C1orf167: variants seen among roughly 807,000 people sequenced by gnomAD.
C1orf167 encodes the protein chromosome 1 open reading frame 167.
In C1orf167, 153 loss-of-function variants were observed where a neutral mutation model predicts 176.5. That is an observed-to-expected ratio of 0.87 (90% CI 0.76 to 0.99). C1orf167 has a LOEUF of 0.99. C1orf167 is among the 50% of genes least tolerant of loss of function. The pLI is 0.00. For missense variants in C1orf167, 1,490 were observed against 1,817.7 expected, an observed-to-expected ratio of 0.82 and a Z score of 3.28; for synonymous variants, 594 against 752.7, an observed-to-expected ratio of 0.79 and a Z score of 3.45.
chr1:11,773,111 G>A (rs1201670292), intron 8 of C1orf167, among the ~76,000 whole-genome samples: 2 of 151,338 alleles, frequency 1.3e-5, no homozygotes, highest in Non-Finnish European at 2.9e-5. Flanking sequence ...ATATTGGTCA[G>A]GCTGGTCCTG....
intron 1 of C1orf167, among the ~76,000 whole-genome samples, chr1:11,764,111 G>T (rs1179290714): frequency 6.6e-6 from 1 of 152,168 alleles, no homozygotes; most frequent in African/African-American, 2.4e-5. Context: ...GGTCTGGGGG[G>T]CAGGATGGGG....
In C1orf167 at chr1:11,784,303, A is replaced by T; in HGVS notation, c.3135A>T (p.Glu1045Asp). The stretch of plus-strand genomic sequence containing the variant: ...TTGCCACATGGCGGGAAGCCCAGGA[A>T]GTGGCAGCCGGGGCACAGGAGCAGC... The part of the protein sequence containing the change: ...AVFATWREAQ[E>D]VAAGAQEQRV... The change falls in exon 15 of 21, where the codon GAA becomes GAT. Residue 1045 changes from glutamate (E) to aspartate (D), a missense_variant. Transcript: ENST00000688073. The T allele has an allele frequency of 1.5e-6, 2 of 1,303,738 alleles. No homozygotes were observed. Among genetic ancestry groups the T allele is most frequent in the Non-Finnish European group, 2.0e-6 (2 of 988,680 alleles). The allele number at this position is 1,303,738 out of a possible 1,614,324, so 80.8% of individuals were successfully genotyped here.
At chr1:11,781,786 T>A (rs1419867373) in intron 13 of C1orf167, among the ~76,000 whole-genome samples, 2 of 151,812 alleles carry the variant, frequency 1.3e-5, no homozygotes, top group Admixed American at 1.3e-4. Context: ...AGTGTGCGCC[T>A]GTAGTCCCAG....
intron 17 of C1orf167, 169 bp from the exon 18 acceptor site, chr1:11,787,704 G>T: frequency 9.6e-7 from 1 of 1,042,840 alleles, no homozygotes; most frequent in Non-Finnish European, 1.2e-6. Context: ...TCTTTGGGCG[G>T]CAGGCAGCCG....
chr1:11,788,494 A>G lies in C1orf167; in HGVS notation c.4078+116A>G, dbSNP rs2100467705. 16 of 1,133,656 alleles carry G rather than the reference A, an allele frequency of 1.4e-5. No individual in the cohort carries two copies. The South Asian group carries it at 2.1e-4, about 15-fold the overall frequency. The allele number at this position is 1,133,656 out of a possible 1,614,324, so 70.2% of individuals were successfully genotyped here. On this transcript the variant is annotated intron_variant, in intron 19 of 20. Transcript: ENST00000688073. ...TACTGACTCCAAAACCTTGGGGGAC[A>G]GGCCCAGGAATCTGCATTCTTAATA...
At chr1:11,787,719 A>C in intron 17 of C1orf167, 154 bp from the exon 18 acceptor site, 1 of 1,092,360 alleles carries the variant, frequency 9.2e-7, no homozygotes. Context: ...CAGCCGGGAG[A>C]GGCTGGAGGC....
intron 16 of C1orf167, chr1:11,785,770 A>G (rs542140204): frequency 6.5e-6 from 1 of 153,100 alleles, no homozygotes; most frequent in South Asian, 2.0e-4. Context: ...AGTCTGGCTC[A>G]ATTGCCCAGG....
At chr1:11,783,167 C>T (rs116276371) in intron 14 of C1orf167, among the ~76,000 whole-genome samples, 2,892 of 152,262 alleles carry the variant, frequency 0.019, 50 homozygotes, top group Middle Eastern at 0.031. Flanking sequence ...TGTTCAGTGT[C>T]CCCGTGGGGC....
At chr1:11,787,702 C>T (rs3737966) in intron 17 of C1orf167, 171 bp from the exon 18 acceptor site, 599,823 of 1,026,500 alleles carry the variant, frequency 0.58, 178,562 homozygotes, top group East Asian at 0.77. Context: ...TCTCTTTGGG[C>T]GGCAGGCAGC....
chr1:11,783,132 C>CCA (rs1643671744), intron 14 of C1orf167, among the ~76,000 whole-genome samples: 1 of 152,108 alleles, frequency 6.6e-6, no homozygotes, highest in East Asian at 1.9e-4. Context: ...ATGGCTCCTC[C>CCA]CACAGTTCAG....
At chr1:11,775,047 G>A (rs2100321589) in intron 8 of C1orf167, among the ~76,000 whole-genome samples, 1 of 152,290 alleles carries the variant, frequency 6.6e-6, no homozygotes, top group East Asian at 1.9e-4. Flanking sequence ...CACTTTGGGA[G>A]GCCAAGACGG....
chr1:11,772,081 G>A lies in C1orf167; in HGVS notation c.1811-1G>A. The A allele has an allele frequency of 1.5e-6, 2 of 1,302,976 alleles. No individual in the cohort carries two copies. The highest frequency in any genetic ancestry group is 2.0e-6 in the Non-Finnish European group (2 of 988,346). 80.7% of individuals were successfully genotyped at this position (1,302,976 alleles called of 1,614,324 possible). ...TCTCTCCCTCCTCCCTCTCTCCTTAGTGTTCTTCCTGTGGTGCCAACAGAA... is the reference window on the plus strand; with the variant it reads ...TCTCTCCCTCCTCCCTCTCTCCTTAATGTTCTTCCTGTGGTGCCAACAGAA... On this transcript the variant is annotated splice_acceptor_variant, in intron 7 of 20. Coordinates refer to ENST00000688073, the MANE Select transcript of C1orf167 (RefSeq NM_001010881.2). LOFTEE classifies it high-confidence loss of function.
chr1:11,771,069 ATTTT>A (rs147195468), intron 6 of C1orf167, among the ~76,000 whole-genome samples: 516 of 46,960 alleles, frequency 0.011, 17 homozygotes, highest in Middle Eastern at 0.056. Context: ...ATATATATAT[ATTTT>A]TTTTTTTTTT....
rs1644016997 is a variant in C1orf167 at position 11,789,411 on chromosome 1, C to T, written c.4315C>T (p.Leu1439Phe). ...EAARAPRGWG[L>F]GAEHGAQLQL is the part of the protein sequence containing the mutation. ...CGCCAGAGCACCGCGGGGTTGGGGG[C>T]TTGGGGCAGAGCATGGGGCCCAGCT... Residue 1439 changes from leucine to phenylalanine, a missense_variant, in exon 21 of 21, where the codon CTT (leucine) becomes TTT (phenylalanine). Leu to Phe is a conservative substitution (Grantham distance 22). Coordinates refer to ENST00000688073, the MANE Select transcript of C1orf167 (RefSeq NM_001010881.2). 1 of 1,303,992 alleles carries T rather than the reference C, an allele frequency of 7.7e-7. No individual in the cohort carries two copies. Among genetic ancestry groups the T allele is most frequent in the Non-Finnish European group, 1.0e-6 (1 of 988,826 alleles). 80.8% of individuals were successfully genotyped at this position (1,303,992 alleles called of 1,614,324 possible).
intron 1 of C1orf167, among the ~76,000 whole-genome samples, chr1:11,762,683 G>A (rs930998552): frequency 1.3e-5 from 2 of 152,210 alleles, no homozygotes; most frequent in African/African-American, 4.8e-5. Flanking sequence ...CTGCAGTGCA[G>A]ATTAAATGGC....
chr1:11,773,306 C>G (rs1643167247), intron 8 of C1orf167, among the ~76,000 whole-genome samples: 1 of 152,202 alleles, frequency 6.6e-6, no homozygotes. Context: ...CATGTGTACT[C>G]CAAATACATC....
At chr1:11,776,241 G>A (rs940037278) in intron 9 of C1orf167, among the ~76,000 whole-genome samples, 2 of 152,082 alleles carry the variant, frequency 1.3e-5, no homozygotes, top group Non-Finnish European at 2.9e-5. Flanking sequence ...TGGGCGACAA[G>A]GGCAAAATTC....
At position 11,768,106 on chromosome 1, in the gene C1orf167, C is replaced by A. The variant is rs1642885474; in HGVS notation, c.1373C>A (p.Ser458Tyr). The change falls in exon 5 of 21, where the codon TCC becomes TAC. Residue 458 changes from serine to tyrosine, a missense_variant. Transcript: ENST00000688073. The surrounding 1 kb of genome is among the most constrained non-coding windows in gnomAD (Gnocchi z 4.5). ...CAGCTGTTGTCCAGATGTTTTCGAT[C>A]CTGGAGGCACTTGGTGAAGAGGCAG... ...CWQLLSRCFRSWRHLVKRQRE... is the reference protein window; with the variant it reads ...CWQLLSRCFRYWRHLVKRQRE... The A allele has an allele frequency of 1.6e-6, 2 of 1,289,130 alleles. No homozygotes were observed. Among genetic ancestry groups the A allele is most frequent in the African/African-American group, 1.5e-5 (1 of 65,858 alleles). The allele number at this position is 1,289,130 out of a possible 1,614,324, so 79.9% of individuals were successfully genotyped here.
chr1:11,771,756 G>A, intron 7 of C1orf167, 120 bp downstream of exon 7: 1 of 608,764 alleles, frequency 1.6e-6, no homozygotes, highest in Non-Finnish European at 2.6e-6. Context: ...CATCTGCTTT[G>A]GCACATTCCC....
Sources: allele counts gnomAD v4.1 joint callset (sites outside exome capture counted in the v4.1 genomes callset), GRCh38; gene constraint gnomAD v4.1.1; non-coding constraint Gnocchi (gnomAD v3.1); transcripts MANE v1.5; gene names NCBI Gene and HGNC (gene_info 2026-07-23, HGNC 2026-07-21).